PLCL1: variants seen among roughly 807,000 people sequenced by gnomAD.
PLCL1 encodes phospholipase C like 1 (inactive).
A neutral mutation model predicts 84.4 loss-of-function variants in PLCL1; 41 were observed. The observed-to-expected ratio is 0.49, with a 90% CI of 0.38 to 0.63. PLCL1 has a LOEUF of 0.63. PLCL1 is among the 30% of genes least tolerant of loss of function. PLCL1 has a pLI of 0.00. For synonymous variants in PLCL1, 490 were observed against 488.3 expected (o/e 1.00, Z -0.05); for missense variants, 1,206 against 1,367.8 (o/e 0.88, Z 1.87).
intron 1 of PLCL1, among the ~76,000 whole-genome samples, chr2:198,030,888 A>G (rs957134942): frequency 2.0e-5 from 3 of 152,156 alleles, no homozygotes; most frequent in Non-Finnish European, 4.4e-5. Context: ...TAGAAGGCAG[A>G]CTTTCTGTGT....
intron 1 of PLCL1, among the ~76,000 whole-genome samples, chr2:197,878,459 C>G (rs563637727): frequency 1.3e-5 from 2 of 152,194 alleles, no homozygotes; most frequent in African/African-American, 2.4e-5. Context: ...GTACATTTTG[C>G]TTTTTGTTAA....
At chr2:197,912,093 T>G (rs1688494051) in intron 1 of PLCL1, among the ~76,000 whole-genome samples, 1 of 152,218 alleles carries the variant, frequency 6.6e-6, no homozygotes, top group South Asian at 2.1e-4. Context: ...GCCTTAGCTA[T>G]CACACGAGGT....
At chr2:198,112,703 G>A (rs1328974056) in intron 5 of PLCL1, among the ~76,000 whole-genome samples, 1 of 151,862 alleles carries the variant, frequency 6.6e-6, no homozygotes, top group Non-Finnish European at 1.5e-5. Context: ...TAAAAATAAT[G>A]TTGGAATTTT....
intron 1 of PLCL1, among the ~76,000 whole-genome samples, chr2:197,849,002 G>C (rs1395336475): frequency 6.6e-6 from 1 of 152,160 alleles, no homozygotes; most frequent in Admixed American, 6.5e-5. Context: ...TTATGCCCTA[G>C]GTGCTAAGTG....
At chr2:197,975,756 T>C (rs1043506011) in intron 1 of PLCL1, among the ~76,000 whole-genome samples, 2 of 152,224 alleles carry the variant, frequency 1.3e-5, no homozygotes, top group Non-Finnish European at 2.9e-5. Context: ...CAGTGAGCTA[T>C]ATTTGTGCCA....
At chr2:198,023,654 C>G (rs1207784581) in intron 1 of PLCL1, among the ~76,000 whole-genome samples, 1 of 152,240 alleles carries the variant, frequency 6.6e-6, no homozygotes, top group East Asian at 1.9e-4. Context: ...AAAAGCTCAT[C>G]ATCACTGGTC....
intron 4 of PLCL1, among the ~76,000 whole-genome samples, chr2:198,101,785 G>T (rs187585555): frequency 6.6e-6 from 1 of 152,110 alleles, no homozygotes; most frequent in Non-Finnish European, 1.5e-5. Flanking sequence ...TTTAGATTTA[G>T]ATTTGTTCTT....
intron 1 of PLCL1, among the ~76,000 whole-genome samples, chr2:197,849,997 AACACACAGACACACAG>A (rs1411550085): frequency 6.8e-6 from 1 of 147,570 alleles, no homozygotes; most frequent in Non-Finnish European, 1.5e-5. Context: ...TTAGAGGTTA[AACACACAGACACACAG>A]ACACACAGAC....
intron 1 of PLCL1, among the ~76,000 whole-genome samples, chr2:198,074,594 G>A (rs1262355792): frequency 1.3e-5 from 2 of 152,082 alleles, no homozygotes; most frequent in African/African-American, 4.8e-5. Flanking sequence ...AGCCGAGATC[G>A]AGCCACTGCA....
At chr2:197,881,305 A>G (rs56394639) in intron 1 of PLCL1, among the ~76,000 whole-genome samples, 2,894 of 152,248 alleles carry the variant, frequency 0.019, 79 homozygotes, top group African/African-American at 0.067. Flanking sequence ...AATTAATGTA[A>G]AATTCCTGCT....
At chr2:198,056,740 T>A (rs1692081604) in intron 1 of PLCL1, among the ~76,000 whole-genome samples, 1 of 152,212 alleles carries the variant, frequency 6.6e-6, no homozygotes, top group Admixed American at 6.5e-5. Context: ...GCTTACCGCA[T>A]TACTAAATTT....
chr2:198,132,376 A>G (rs545154039), intron 5 of PLCL1, among the ~76,000 whole-genome samples: 2 of 152,132 alleles, frequency 1.3e-5, no homozygotes, highest in Non-Finnish European at 2.9e-5. Flanking sequence ...GTGGACATGG[A>G]CAGCATTGCA....
At chr2:197,856,823 T>C (rs1312475677) in intron 1 of PLCL1, among the ~76,000 whole-genome samples, 1 of 152,234 alleles carries the variant, frequency 6.6e-6, no homozygotes, top group Non-Finnish European at 1.5e-5. Context: ...TGACTTAACA[T>C]TTATTACCTA....
At chr2:197,821,637 A>G (rs1180767273) in intron 1 of PLCL1, among the ~76,000 whole-genome samples, 2 of 152,040 alleles carry the variant, frequency 1.3e-5, no homozygotes, top group Non-Finnish European at 2.9e-5. Flanking sequence ...GAGAGCAATT[A>G]GTTTCTTTTT....
chr2:198,031,519 C>A (rs1415105829), intron 1 of PLCL1, among the ~76,000 whole-genome samples: 1 of 151,962 alleles, frequency 6.6e-6, no homozygotes, highest in African/African-American at 2.4e-5. Flanking sequence ...GAGACAGGGT[C>A]TCCTTCTGCC....
chr2:198,101,136 G>C (rs974283449), intron 3 of PLCL1, 149 bp from the exon 4 acceptor site: 4 of 649,554 alleles, frequency 6.2e-6, no homozygotes, highest in Non-Finnish European at 8.2e-6. Flanking sequence ...GGTTGGAACA[G>C]AGCTTATCCT....
chr2:198,044,929 C>T (rs898517993), intron 1 of PLCL1, among the ~76,000 whole-genome samples: 7 of 152,046 alleles, frequency 4.6e-5, no homozygotes, highest in Non-Finnish European at 7.4e-5. Context: ...AAGTAGGTAG[C>T]ATATAACATA....
At chr2:198,117,855 A>G (rs1693782018) in intron 5 of PLCL1, among the ~76,000 whole-genome samples, 1 of 151,800 alleles carries the variant, frequency 6.6e-6, no homozygotes, top group Admixed American at 6.6e-5. Context: ...GTACTCTGAA[A>G]CTAGAGAGGG....
intron 5 of PLCL1, among the ~76,000 whole-genome samples, chr2:198,145,140 G>C (rs1978890): frequency 0.28 from 42,400 of 152,002 alleles, 6,789 homozygotes; most frequent in East Asian, 0.54. Context: ...TATTATTACT[G>C]AAGAGTTGCA....
Sources: gnomAD v4.1 joint callset for allele counts (sites outside exome capture counted in the v4.1 genomes callset) on GRCh38, gnomAD v4.1.1 for gene constraint, MANE v1.5 for transcripts, NCBI Gene and HGNC (gene_info 2026-07-23, HGNC 2026-07-21) for gene names.